CSMD3: variants seen among roughly 807,000 people sequenced by gnomAD.
The protein encoded by CSMD3 is CUB and Sushi multiple domains 3, also known as CUB and sushi domain-containing protein 3.
In CSMD3, 177 loss-of-function variants were observed where a neutral mutation model predicts 435.2. The ratio of observed to expected loss-of-function variants is 0.41; its 90% confidence interval spans 0.36 to 0.46. The LOEUF (loss-of-function observed/expected upper bound fraction) is 0.46. Among genes scored for constraint, CSMD3 ranks in the 20% least tolerant of loss-of-function variants. CSMD3 has a pLI of 0.34. For missense variants in CSMD3, 4,265 were observed against 4,504.6 expected (o/e 0.95, Z 1.52); for synonymous variants, 1,656 against 1,520.5 (o/e 1.09, Z -2.07).
intron 27 of CSMD3, among the ~76,000 whole-genome samples, chr8:112,541,315 TA>T (rs1387078552): frequency 2.0e-5 from 3 of 151,296 alleles, no homozygotes; most frequent in African/African-American, 7.3e-5. Flanking sequence ...GAAAAACAAT[TA>T]AAAAATAAAA....
chr8:112,662,618 G>T (rs2075414382), intron 17 of CSMD3, among the ~76,000 whole-genome samples: 1 of 152,146 alleles, frequency 6.6e-6, no homozygotes, highest in Non-Finnish European at 1.5e-5. Context: ...CATGTGCAGG[G>T]ACTTCATGTC....
intron 24 of CSMD3, among the ~76,000 whole-genome samples, chr8:112,557,463 A>T (rs1828223433): frequency 6.6e-6 from 1 of 151,898 alleles, no homozygotes; most frequent in Non-Finnish European, 1.5e-5. Flanking sequence ...CAACCATATG[A>T]TTAGAAGGTT....
At chr8:113,339,533 C>G (rs1563720179) in intron 1 of CSMD3, among the ~76,000 whole-genome samples, 1 of 151,932 alleles carries the variant, frequency 6.6e-6, no homozygotes, top group Non-Finnish European at 1.5e-5. Context: ...AAAGTGTCTA[C>G]CTCTCTTAGG....
At chr8:112,640,359 A>C (rs2074789182) in intron 20 of CSMD3, among the ~76,000 whole-genome samples, 1 of 152,118 alleles carries the variant, frequency 6.6e-6, no homozygotes, top group Non-Finnish European at 1.5e-5. Context: ...AGAGTATGAC[A>C]AGTAACATTT....
At chr8:112,948,777 CTTG>C (rs2083702889) in intron 8 of CSMD3, among the ~76,000 whole-genome samples, 1 of 151,876 alleles carries the variant, frequency 6.6e-6, no homozygotes, top group Admixed American at 6.6e-5. Context: ...CCATCCAATG[CTTG>C]TTGTCCTCCA....
chr8:112,299,404 G>A (rs1000872050), intron 53 of CSMD3, among the ~76,000 whole-genome samples: 15 of 151,952 alleles, frequency 9.9e-5, no homozygotes, highest in African/African-American at 3.6e-4. Context: ...TCTAGCTAAT[G>A]GTATGCATGC....
At position 112,690,105 on chromosome 8, in the gene CSMD3, C is replaced by T. The variant is rs2076098075; in HGVS notation, c.1973-55G>A. 5 of 1,301,518 alleles carry T rather than the reference C, an allele frequency of 3.8e-6. No individual in the cohort carries two copies. In the South Asian group the frequency reaches 5.9e-5, roughly 15 times the overall value. 80.6% of individuals were successfully genotyped at this position (1,301,518 alleles called of 1,614,324 possible). ...CCAAGGGTTGCAGGCATATGATACC[C>T]ATAATACAAGTTAGGTAGATATATG... On this transcript the variant is annotated intron_variant, in intron 13 of 70. Coordinates refer to ENST00000297405, the MANE Select transcript of CSMD3 (RefSeq NM_198123.2).
In CSMD3 at chr8:113,324,857, C is replaced by A. The variant is rs181895838; in HGVS notation, c.179-10064G>T. ...CTGCAAAGCCACAGGGGTGGAGCTG[C>A]CCAAGACCATGAGAACCCACCTCTT... On this transcript the variant is annotated intron_variant, in intron 1 of 70. Transcript: ENST00000297405. Among the ~76,000 whole-genome samples, 779 of 152,308 alleles carry A rather than the reference C, an allele frequency of 5.1e-3. 10 individuals are homozygous for A. Among genetic ancestry groups the A allele is most frequent in the African/African-American group, 0.018 (752 of 41,568 alleles).
At chr8:112,626,222 A>T (rs958966478) in intron 22 of CSMD3, among the ~76,000 whole-genome samples, 1 of 151,964 alleles carries the variant, frequency 6.6e-6, no homozygotes, top group Non-Finnish European at 1.5e-5. Flanking sequence ...TGGCAGTCCT[A>T]CTCTCTCGTA....
chr8:112,237,218 G>T lies in CSMD3; in HGVS notation c.10599C>A (p.Ser3533Arg). Residue 3533 changes from serine (S) to arginine (R), a missense_variant, in exon 67 of 71, where the codon AGC becomes AGA. Ser to Arg is a moderately radical substitution (Grantham distance 110). Transcript: ENST00000297405. ...ASTGRVNATLSNSNMELLLSG... is the reference protein window; with the variant it reads ...ASTGRVNATLRNSNMELLLSG... Reference sequence around the variant, plus strand: ...AAAGTAGCAGCTCCATGTTGCTATTGCTCAGTGTTGCGTTAACTCTCCCAG... The same window carrying T: ...AAAGTAGCAGCTCCATGTTGCTATTTCTCAGTGTTGCGTTAACTCTCCCAG... 6.2e-7 allele frequency: 1 copy of T among 1,613,544 alleles called. No individual in the cohort carries two copies. Among genetic ancestry groups the T allele is most frequent in the Non-Finnish European group, 8.5e-7 (1 of 1,179,606 alleles).
At chr8:113,337,948 A>T (rs967753269) in intron 1 of CSMD3, among the ~76,000 whole-genome samples, 1 of 152,064 alleles carries the variant, frequency 6.6e-6, no homozygotes, top group Non-Finnish European at 1.5e-5. Context: ...TAGGCAATAA[A>T]TATATGCAAT....
intron 16 of CSMD3, among the ~76,000 whole-genome samples, chr8:112,680,125 C>CT: frequency 6.6e-6 from 1 of 152,248 alleles, no homozygotes; most frequent in South Asian, 2.1e-4. Context: ...GAGGCCGAGG[C>CT]AGGCGGATGA....
intron 2 of CSMD3, chr8:113,309,062 C>T (rs540511214): frequency 6.6e-6 from 1 of 152,400 alleles, no homozygotes; most frequent in African/African-American, 2.4e-5. Context: ...AATCCTCCCA[C>T]CTCAGCCTCC....
chr8:112,344,457 T>A (rs1825474208), intron 41 of CSMD3, among the ~76,000 whole-genome samples: 1 of 152,216 alleles, frequency 6.6e-6, no homozygotes, highest in Non-Finnish European at 1.5e-5. Context: ...CTATGAGTTA[T>A]CTGTTAATTT....
chr8:112,611,973 CA>C (rs1833291117), intron 22 of CSMD3, among the ~76,000 whole-genome samples: 1 of 151,992 alleles, frequency 6.6e-6, no homozygotes, highest in Non-Finnish European at 1.5e-5. Flanking sequence ...AAGAATTAAA[CA>C]AATAGATTAA....
intron 32 of CSMD3, among the ~76,000 whole-genome samples, chr8:112,430,649 G>A (rs574756879): frequency 6.6e-6 from 1 of 151,986 alleles, no homozygotes. Flanking sequence ...TATATTAAGA[G>A]GTATAGTAAA....
intron 1 of CSMD3, among the ~76,000 whole-genome samples, chr8:113,369,873 G>C (rs879751912): frequency 6.6e-6 from 1 of 151,822 alleles, no homozygotes; most frequent in Non-Finnish European, 1.5e-5. Context: ...CATAGAAATA[G>C]AGAGTAGAAT....
intron 13 of CSMD3, among the ~76,000 whole-genome samples, chr8:112,699,260 G>A (rs2076331313): frequency 6.6e-6 from 1 of 152,238 alleles, no homozygotes; most frequent in African/African-American, 2.4e-5. Flanking sequence ...CCTGAAGTCA[G>A]CAAGACCACG....
At chr8:112,647,202 T>C (rs1424023971) in intron 19 of CSMD3, among the ~76,000 whole-genome samples, 1 of 152,182 alleles carries the variant, frequency 6.6e-6, no homozygotes, top group African/African-American at 2.4e-5. Context: ...TCATGTTTGA[T>C]TTTGTAGCAC....
Sources: gnomAD v4.1 joint callset for allele counts (sites outside exome capture counted in the v4.1 genomes callset) on GRCh38, gnomAD v4.1.1 for gene constraint, MANE v1.5 for transcripts, NCBI Gene and HGNC (gene_info 2026-07-23, HGNC 2026-07-21) for gene names.